Variants in MDGA2 observed in about 807,000 individuals in gnomAD.
MDGA2 encodes MAM domain containing glycosylphosphatidylinositol anchor 2, also known as MAM domain-containing glycosylphosphatidylinositol anchor protein 2.
In MDGA2, 40 loss-of-function variants were observed where a neutral mutation model predicts 117.8. The ratio of observed to expected loss-of-function variants is 0.34; its 90% CI spans 0.26 to 0.44. The LOEUF is 0.44. Ranked by LOEUF, MDGA2 falls within the 20% of genes least tolerant of loss-of-function variation. The pLI is 1.00. For missense variants in MDGA2, 1,123 were observed against 1,250.6 expected, an observed-to-expected ratio of 0.90 and a Z score of 1.54; for synonymous variants, 452 against 439.0, an observed-to-expected ratio of 1.03 and a Z score of -0.37.
At chr14:47,550,976 T>A (rs367896046) in intron 1 of MDGA2, among the ~76,000 whole-genome samples, 25 of 152,288 alleles carry the variant, frequency 1.6e-4, no homozygotes, top group African/African-American at 5.8e-4. Context: ...ATGGAACATG[T>A]AGGAGGCAAA....
intron 5 of MDGA2, among the ~76,000 whole-genome samples, chr14:47,102,234 T>C (rs891274227): frequency 6.6e-6 from 1 of 151,940 alleles, no homozygotes; most frequent in African/African-American, 2.4e-5. Context: ...CAGTTAACAA[T>C]TGTATAAACC....
At chr14:47,504,125 G>A (rs1314049675) in intron 1 of MDGA2, among the ~76,000 whole-genome samples, 3 of 152,124 alleles carry the variant, frequency 2.0e-5, no homozygotes, top group Admixed American at 6.6e-5. Context: ...AACGTGAAGG[G>A]AGACCAAGGA....
At chr14:47,303,610 A>T (rs2139818877) in intron 1 of MDGA2, among the ~76,000 whole-genome samples, 1 of 152,268 alleles carries the variant, frequency 6.6e-6, no homozygotes, top group East Asian at 1.9e-4. Flanking sequence ...TAATATAGTC[A>T]TATCCATATT....
intron 1 of MDGA2, among the ~76,000 whole-genome samples, chr14:47,454,721 G>C (rs1199768219): frequency 6.6e-6 from 1 of 152,094 alleles, no homozygotes. Flanking sequence ...TATAATGGGT[G>C]GAATTAAAAA....
chr14:46,932,407 G>A (rs1169485773), intron 9 of MDGA2, among the ~76,000 whole-genome samples: 1 of 151,896 alleles, frequency 6.6e-6, no homozygotes, highest in Non-Finnish European at 1.5e-5. Context: ...GATATTCACA[G>A]AATGTATGTT....
rs540711763 is a variant in MDGA2 at position 47,592,867 on chromosome 14, A to G, written c.280+81650T>C. Among the ~76,000 whole-genome samples, 5 of 152,348 alleles carry G rather than the reference A, an allele frequency of 3.3e-5. No individual in the cohort carries two copies. In the South Asian group the frequency reaches 8.3e-4, roughly 25 times the overall value. ...CGAAAATGTCAAAAGTAATTGCAAC[A>G]AAAGTAAAAACTGGCAAATGATATC... On this transcript the variant is annotated intron_variant, in intron 1 of 16. Transcript: ENST00000399232.
At chr14:47,640,967 C>A (rs1897412083) in intron 1 of MDGA2, among the ~76,000 whole-genome samples, 1 of 151,942 alleles carries the variant, frequency 6.6e-6, no homozygotes, top group Non-Finnish European at 1.5e-5. Flanking sequence ...TCAACCATTT[C>A]CCGAATAAGC....
At chr14:47,154,703 T>C (rs1883299098) in intron 3 of MDGA2, among the ~76,000 whole-genome samples, 2 of 152,112 alleles carry the variant, frequency 1.3e-5, no homozygotes, top group Admixed American at 1.3e-4. Flanking sequence ...CTCCGGACTT[T>C]AGGTAGTGAC....
At chr14:47,364,880 C>A (rs1891198682) in intron 1 of MDGA2, among the ~76,000 whole-genome samples, 1 of 152,058 alleles carries the variant, frequency 6.6e-6, no homozygotes, top group African/African-American at 2.4e-5. Flanking sequence ...AGGAGAGTTG[C>A]CTAGTAGAGC....
At chr14:47,409,998 C>T (rs1458695305) in intron 1 of MDGA2, among the ~76,000 whole-genome samples, 1 of 152,064 alleles carries the variant, frequency 6.6e-6, no homozygotes, top group African/African-American at 2.4e-5. Context: ...TAATAAGCAC[C>T]ACAATCATTA....
At chr14:46,933,586 T>A (rs73237216) in intron 9 of MDGA2, among the ~76,000 whole-genome samples, 15,011 of 151,274 alleles carry the variant, frequency 0.099, 2,480 homozygotes, top group African/African-American at 0.34. Flanking sequence ...TCAAATAACA[T>A]TCTTTGGGAA....
chr14:47,421,168 T>C (rs1892571266), intron 1 of MDGA2, among the ~76,000 whole-genome samples: 1 of 152,102 alleles, frequency 6.6e-6, no homozygotes, highest in East Asian at 1.9e-4. Context: ...ATGTAACGTA[T>C]CTGGAGAATT....
chr14:47,551,189 A>T (rs979673674), intron 1 of MDGA2, among the ~76,000 whole-genome samples: 3 of 145,306 alleles, frequency 2.1e-5, no homozygotes, highest in Non-Finnish European at 4.5e-5. Flanking sequence ...GTTTTTGATT[A>T]AAAAAATATT....
intron 1 of MDGA2, among the ~76,000 whole-genome samples, chr14:47,400,938 T>C (rs761393913): frequency 1.3e-5 from 2 of 150,288 alleles, no homozygotes; most frequent in Admixed American, 6.6e-5. Flanking sequence ...TTTGTATTTT[T>C]AGTAGAGACG....
intron 8 of MDGA2, among the ~76,000 whole-genome samples, chr14:46,965,572 A>G (rs1885994396): frequency 6.6e-6 from 1 of 152,140 alleles, no homozygotes; most frequent in Admixed American, 6.6e-5. Context: ...ATAATATTAA[A>G]CCAAGCGCAC....
At chr14:47,051,975 T>C (rs1889474503) in intron 7 of MDGA2, among the ~76,000 whole-genome samples, 1 of 151,866 alleles carries the variant, frequency 6.6e-6, no homozygotes, top group African/African-American at 2.4e-5. Flanking sequence ...ATTATAGCCT[T>C]AAAATAATAT....
chr14:47,335,828 G>A (rs549720581), intron 1 of MDGA2, among the ~76,000 whole-genome samples: 31 of 148,412 alleles, frequency 2.1e-4, no homozygotes, highest in Admixed American at 7.4e-4. Context: ...AGGAAGGCCA[G>A]TTAGGATGCT....
At chr14:47,605,262 G>A (rs926071615) in intron 1 of MDGA2, among the ~76,000 whole-genome samples, 1 of 152,196 alleles carries the variant, frequency 6.6e-6, no homozygotes, top group Non-Finnish European at 1.5e-5. Flanking sequence ...CGAGACAGAT[G>A]AAGGCAATCA....
intron 8 of MDGA2, among the ~76,000 whole-genome samples, chr14:47,021,445 T>C (rs2138585282): frequency 6.6e-6 from 1 of 152,290 alleles, no homozygotes; most frequent in South Asian, 2.1e-4. Context: ...TTAATAAGAT[T>C]GCAAATGCAC....
Sources: allele counts gnomAD v4.1 joint callset (sites outside exome capture counted in the v4.1 genomes callset), GRCh38; gene constraint gnomAD v4.1.1; transcripts MANE v1.5; gene names NCBI Gene and HGNC (gene_info 2026-07-23, HGNC 2026-07-21).